GRM5: variants seen among roughly 807,000 people sequenced by gnomAD.
GRM5 encodes the protein metabotropic glutamate receptor 5.
A neutral mutation model predicts 83.1 loss-of-function variants in GRM5; 19 were observed. That is an observed-to-expected ratio of 0.23 (90% confidence interval 0.16 to 0.34). The LOEUF (loss-of-function observed/expected upper bound fraction) is 0.34. Among genes scored for constraint, GRM5 ranks in the 10% least tolerant of loss-of-function variants. GRM5 has a pLI of 1.00. For missense variants in GRM5, 1,160 were observed against 1,588.3 expected, an observed-to-expected ratio of 0.73 and a Z score of 4.58; for synonymous variants, 675 against 633.6, an observed-to-expected ratio of 1.07 and a Z score of -0.98.
intron 2 of GRM5, among the ~76,000 whole-genome samples, chr11:89,023,162 T>C (rs1413635412): frequency 2.0e-5 from 3 of 151,058 alleles, no homozygotes; most frequent in African/African-American, 4.9e-5. Flanking sequence ...TGTGTGTGTG[T>C]GTGCGCGCGC....
chr11:88,797,975 T>C (rs1943314530), intron 3 of GRM5, among the ~76,000 whole-genome samples: 2 of 152,084 alleles, frequency 1.3e-5, no homozygotes, highest in African/African-American at 2.4e-5. Context: ...TAAAATACCA[T>C]GCTGATTTTT....
intron 6 of GRM5, among the ~76,000 whole-genome samples, chr11:88,595,569 A>T (rs1937776526): frequency 6.6e-6 from 1 of 152,194 alleles, no homozygotes; most frequent in African/African-American, 2.4e-5. Flanking sequence ...GTTGCTGTGA[A>T]TGACAGGATT....
rs1170834156 is a variant in GRM5 at position 88,509,198 on chromosome 11, C to G, written c.3033G>C (p.Pro1011=). The change falls in exon 10 of 10, where the codon CCG becomes CCC. Residue 1011 remains proline, a synonymous_variant. Transcript: ENST00000305447. The part of the protein sequence containing the change: ...YDVAEAEEHF[P]APARPRSPSP... ...ACGGTGAGCGCGGCCGCGCGGGCGC[C>G]GGGAAGTGCTCCTCAGCCTCGGCCA... is the stretch of plus-strand genomic sequence containing the variant. 1.6e-5 allele frequency: 25 copies of G among 1,533,916 alleles called. No individual in the cohort carries two copies. The highest frequency in any genetic ancestry group is 2.1e-5 in the Non-Finnish European group (24 of 1,142,710).
Position 88,508,500 on chromosome 11 carries a change from C to T in GRM5, c.*92G>A. ...GTGCCCTTGGCATCTTCCCCCTGGG[C>T]CGTAACCAGGCGACTATGCTTGCCA... On this transcript the variant is annotated 3_prime_UTR_variant, in exon 10 of 10. Coordinates refer to ENST00000305447, the MANE Select transcript of GRM5 (RefSeq NM_001143831.3). The surrounding 1 kb of genome is among the most constrained non-coding windows in gnomAD (Gnocchi z 4.2). 2 of 1,025,808 alleles carry T rather than the reference C, an allele frequency of 1.9e-6. No homozygotes were observed. Among genetic ancestry groups the T allele is most frequent in the Non-Finnish European group, 2.9e-6 (2 of 695,158 alleles). 63.5% of individuals were successfully genotyped at this position (1,025,808 alleles called of 1,614,324 possible).
intron 3 of GRM5, among the ~76,000 whole-genome samples, chr11:88,749,184 G>A (rs548653385): frequency 5.3e-5 from 8 of 152,064 alleles, no homozygotes; most frequent in South Asian, 2.1e-4. Flanking sequence ...CTAATGCTAA[G>A]AAGGAAAAAG....
intron 3 of GRM5, among the ~76,000 whole-genome samples, chr11:88,798,805 C>CAAAAAAAAAAAAAAAAAAAAAAAAAAA (rs4002396): frequency 1.6e-4 from 9 of 55,374 alleles, no homozygotes; most frequent in East Asian, 5.0e-4. Context: ...ATGAAAACAC[C>CAAAAAAAAAAAAAAAAAAAAAAAAAAA]AAAAAAAAAA....
At chr11:88,902,721 C>G (rs572286486) in intron 2 of GRM5, among the ~76,000 whole-genome samples, 2 of 151,928 alleles carry the variant, frequency 1.3e-5, no homozygotes, top group South Asian at 4.2e-4. Flanking sequence ...TTTGGGAGGC[C>G]GAAGCAGGCG....
Position 89,050,170 on chromosome 11 carries a change from T to C in GRM5, c.-200-2098A>G, listed in dbSNP as rs550342340. ...GTATACATGTTAAAACACTAAGATA[T>C]TGCCTTTTGAAGGTATGCGAAGTTT... On this transcript the variant is annotated intron_variant, in intron 1 of 9. Transcript: ENST00000305447. Among the ~76,000 whole-genome samples, 4 of 152,304 alleles carry C rather than the reference T, an allele frequency of 2.6e-5. No individual in the cohort carries two copies. The South Asian group carries it at 6.2e-4, about 24-fold the overall frequency.
chr11:88,603,278 C>T (rs758680251), intron 5 of GRM5, among the ~76,000 whole-genome samples: 24 of 152,116 alleles, frequency 1.6e-4, no homozygotes, highest in Non-Finnish European at 2.5e-4. Flanking sequence ...CCCTGGTTTG[C>T]GGAATGGTTT....
intron 3 of GRM5, among the ~76,000 whole-genome samples, chr11:88,834,605 G>A (rs1282472630): frequency 8.7e-5 from 4 of 46,116 alleles, no homozygotes; most frequent in Non-Finnish European, 1.2e-4. Flanking sequence ...AAAACAGCAC[G>A]TGTCCAAGAA....
rs573320286 is a variant in GRM5 at position 88,956,224 on chromosome 11, A to G, written c.661+90988T>C. 1.2e-4 allele frequency among the ~76,000 whole-genome samples: 18 copies of G among 152,232 alleles called. 1 individual carries two copies. Among genetic ancestry groups the G allele is most frequent in the Non-Finnish European group, 2.2e-4 (15 of 68,034 alleles). On this transcript the variant is annotated intron_variant, in intron 2 of 9. Coordinates refer to ENST00000305447, the MANE Select transcript of GRM5 (RefSeq NM_001143831.3). ...CTCTGCCTTCACACTCTTTGCACGTAAAAGCTAAAGTGTTCAGAATGCAAA... is the reference window on the plus strand; with the variant it reads ...CTCTGCCTTCACACTCTTTGCACGTGAAAGCTAAAGTGTTCAGAATGCAAA...
intron 3 of GRM5, among the ~76,000 whole-genome samples, chr11:88,781,926 G>A (rs1374021262): frequency 6.6e-6 from 1 of 152,144 alleles, no homozygotes; most frequent in Admixed American, 6.6e-5. Flanking sequence ...CATTAACACA[G>A]TAGTGAATTC....
intron 2 of GRM5, among the ~76,000 whole-genome samples, chr11:88,865,009 G>A (rs1349246051): frequency 6.6e-6 from 1 of 151,852 alleles, no homozygotes; most frequent in Non-Finnish European, 1.5e-5. Flanking sequence ...CAAGGGATGT[G>A]AGGGAACTCT....
At position 88,567,268 on chromosome 11, in the gene GRM5, C is replaced by G. The variant is rs200687104; in HGVS notation, c.2415G>C (p.Ser805=). 3.1e-6 allele frequency: 5 copies of G among 1,613,770 alleles called. No homozygotes were observed. Among genetic ancestry groups the G allele is most frequent in the Admixed American group, 3.3e-5 (2 of 59,986 alleles). ...SNYKIITMCF[S]VSLSATVALG... Reference sequence around the variant, plus strand: ...GGGCCACTGTGGCACTGAGGCTGACCGAGAAACACATGGTGATGATTTTGT... The same window carrying G: ...GGGCCACTGTGGCACTGAGGCTGACGGAGAAACACATGGTGATGATTTTGT... Residue 805 remains serine, a synonymous_variant, in exon 8 of 10, where the codon TCG becomes TCC. Transcript: ENST00000305447. The surrounding 1 kb of genome is among the most constrained non-coding windows in gnomAD (Gnocchi z 7.3).
At chr11:88,995,501 T>C (rs1360886859) in intron 2 of GRM5, among the ~76,000 whole-genome samples, 4 of 128,284 alleles carry the variant, frequency 3.1e-5, no homozygotes, top group African/African-American at 1.3e-4. Flanking sequence ...GCTGAGATCA[T>C]GCCACTGCAC....
chr11:88,913,430 G>T (rs1208237386), intron 2 of GRM5, among the ~76,000 whole-genome samples: 1 of 152,038 alleles, frequency 6.6e-6, no homozygotes, highest in Non-Finnish European at 1.5e-5. Context: ...GGATGGCAAT[G>T]TAGAAGAGAG....
intron 3 of GRM5, among the ~76,000 whole-genome samples, chr11:88,772,531 T>C (rs141935302): frequency 0.023 from 3,449 of 152,208 alleles, 201 homozygotes; most frequent in Admixed American, 0.14. Context: ...ACATGTGCCA[T>C]GTTGCTTTGC....
At position 89,028,133 on chromosome 11, in the gene GRM5, C is replaced by T. The variant is rs566223200; in HGVS notation, c.661+19079G>A. 1.8e-4 allele frequency among the ~76,000 whole-genome samples: 27 copies of T among 152,256 alleles called. No homozygotes were observed. In the East Asian group the frequency reaches 3.5e-3, roughly 20 times the overall value. On this transcript the variant is annotated intron_variant, in intron 2 of 9. Coordinates refer to ENST00000305447, the MANE Select transcript of GRM5 (RefSeq NM_001143831.3). The stretch of plus-strand genomic sequence containing the variant: ...ACAGAATTGTGAGCCAATACATTTC[C>T]GTTTATAAATAATCCAGTCTGTGGT...
chr11:88,840,816 T>C (rs532420534), intron 3 of GRM5, among the ~76,000 whole-genome samples: 2 of 152,186 alleles, frequency 1.3e-5, no homozygotes, highest in African/African-American at 4.8e-5. Context: ...ATACTTTCCA[T>C]GTTGAACTCA....
Sources: allele counts gnomAD v4.1 joint callset (sites outside exome capture counted in the v4.1 genomes callset), GRCh38; gene constraint gnomAD v4.1.1; non-coding constraint Gnocchi (gnomAD v3.1); transcripts MANE v1.5; gene names NCBI Gene and HGNC (gene_info 2026-07-23, HGNC 2026-07-21).